Variants in TG observed in about 807,000 individuals in gnomAD.
TG encodes thyroglobulin.
TG carries 270 observed loss-of-function variants against 324.7 expected under a neutral mutation model. That is an observed-to-expected ratio of 0.83 (90% CI 0.75 to 0.92). TG has a LOEUF of 0.92. Among genes scored for constraint, TG ranks in the 40% least tolerant of loss-of-function variants. The pLI is 0.00. For synonymous variants in TG, 1,401 were observed against 1,327.0 expected (o/e 1.06, Z -1.21); for missense variants, 3,591 against 3,456.4 (o/e 1.04, Z -0.98).
At chr8:132,958,710 C>CAA (rs34843766) in intron 27 of TG, among the ~76,000 whole-genome samples, 22,144 of 147,944 alleles carry the variant, frequency 0.15, 5,155 homozygotes, top group African/African-American at 0.5. Flanking sequence ...GACTTTGTCT[C>CAA]AAAAAAAAAA....
chr8:133,034,271 C>T (rs576103558), intron 41 of TG, among the ~76,000 whole-genome samples: 1 of 152,244 alleles, frequency 6.6e-6, no homozygotes, highest in South Asian at 2.1e-4. Flanking sequence ...ACACTGTAAC[C>T]ATGAACGTAG....
Position 133,040,165 on chromosome 8 carries a change from T to C in TG, c.7239+10142T>C, listed in dbSNP as rs1564103354. ...GAAGCAGACAGCCGGTCAGGGACCC[T>C]GGGGACGCCTCAGCCAGTGTGGGGT... is the stretch of plus-strand genomic sequence containing the variant. On this transcript the variant is annotated intron_variant, in intron 41 of 47. Coordinates refer to ENST00000220616, the MANE Select transcript of TG (RefSeq NM_003235.5). 9 of 1,564,550 alleles carry C rather than the reference T, an allele frequency of 5.8e-6. No homozygotes were observed. The South Asian group carries it at 8.2e-5, about 14-fold the overall frequency.
chr8:132,980,804 TG>T (rs1170608001), intron 34 of TG, among the ~76,000 whole-genome samples: 2 of 152,158 alleles, frequency 1.3e-5, no homozygotes, highest in Non-Finnish European at 2.9e-5. Context: ...CTGACAGATG[TG>T]GTATCAGAAA....
At chr8:132,921,178 C>G (rs1001892364) in intron 21 of TG, among the ~76,000 whole-genome samples, 1 of 152,200 alleles carries the variant, frequency 6.6e-6, no homozygotes. Flanking sequence ...CTCCAAATAC[C>G]ATCACACTGG....
At chr8:132,941,220 C>G (rs1022586219) in intron 25 of TG, 131 bp from the exon 26 acceptor site, 1 of 1,107,584 alleles carries the variant, frequency 9.0e-7, no homozygotes, top group Non-Finnish European at 1.4e-6. Flanking sequence ...GAGAGCATCT[C>G]ATCTTGGCCC....
In TG at chr8:132,941,443, G is replaced by A. The variant is rs1370953390; in HGVS notation, c.5134G>A (p.Ala1712Thr). The change falls in exon 26 of 48, where the codon GCC becomes ACC. Residue 1712 changes from alanine to threonine, a missense_variant. Physicochemically the swap from Ala to Thr is moderately conservative, Grantham distance 58. Coordinates refer to ENST00000220616, the MANE Select transcript of TG (RefSeq NM_003235.5). The part of the protein sequence containing the change: ...SGLYNPIVFS[A>T]SGANLTDAHL... ...ATTGTACAACCCCATTGTGTTCTCA[G>A]CCTCAGGAGCCAATCTAACCGATGC... The A allele has an allele frequency of 1.2e-6, 2 of 1,614,224 alleles. No homozygotes were observed. The highest frequency in any genetic ancestry group is 2.2e-5 in the South Asian group (2 of 91,086).
At chr8:133,001,095 A>G (rs1002566824) in intron 35 of TG, among the ~76,000 whole-genome samples, 2 of 152,098 alleles carry the variant, frequency 1.3e-5, no homozygotes, top group Non-Finnish European at 2.9e-5. Flanking sequence ...TTACAAGGAC[A>G]CCAGACCACC....
chr8:132,960,329 C>A (rs1827557054), intron 27 of TG, among the ~76,000 whole-genome samples: 1 of 152,154 alleles, frequency 6.6e-6, no homozygotes, highest in African/African-American at 2.4e-5. Context: ...GGCTTATTTG[C>A]CTCCAGACTC....
chr8:132,969,461 T>C lies in TG; in HGVS notation c.5867T>C (p.Ile1956Thr), dbSNP rs1051684563. ...TTTTCTTTCTTCCTCTATGAAGTTA[T>C]ACTGGAAGATAAAGTGAAGAACTTT... ...MPKALFRKKVILEDKVKNFYT... is the reference protein window; with the variant it reads ...MPKALFRKKVTLEDKVKNFYT... The change falls in exon 32 of 48, where the codon ATA becomes ACA. Residue 1956 changes from isoleucine to threonine, a missense_variant. Physicochemically the swap from Ile to Thr is moderately conservative, Grantham distance 89. Coordinates refer to ENST00000220616, the MANE Select transcript of TG (RefSeq NM_003235.5). 5 of 1,606,794 alleles carry C rather than the reference T, an allele frequency of 3.1e-6. No individual in the cohort carries two copies. The African/African-American group carries it at 5.4e-5, about 17-fold the overall frequency.
At chr8:132,869,379 C>A (rs1244635767) in intron 2 of TG, among the ~76,000 whole-genome samples, 1 of 152,146 alleles carries the variant, frequency 6.6e-6, no homozygotes. Context: ...CCTATCCATA[C>A]AATGTGGGCA....
intron 16 of TG, among the ~76,000 whole-genome samples, chr8:132,904,759 A>G (rs548172626): frequency 7.9e-5 from 12 of 152,300 alleles, no homozygotes; most frequent in African/African-American, 2.9e-4. Flanking sequence ...AACAAAAACA[A>G]AAACAGAAAA....
chr8:132,937,139 G>A (rs947669950), intron 25 of TG, among the ~76,000 whole-genome samples: 1 of 152,144 alleles, frequency 6.6e-6, no homozygotes, highest in Non-Finnish European at 1.5e-5. Context: ...GAGGGCCCGA[G>A]GCCATGGCTG....
chr8:133,092,950 A>G (rs1324103696), intron 41 of TG, among the ~76,000 whole-genome samples: 1 of 152,104 alleles, frequency 6.6e-6, no homozygotes, highest in Non-Finnish European at 1.5e-5. Flanking sequence ...CCACTTCCTC[A>G]CCATATCAGG....
At chr8:133,051,018 C>T (rs1270001874) in intron 41 of TG, 3 of 675,912 alleles carry the variant, frequency 4.4e-6, no homozygotes, top group Non-Finnish European at 8.0e-6. Context: ...GATTTTCCAG[C>T]AGGAAATACC....
At position 133,029,999 on chromosome 8, in the gene TG, A is replaced by G. The variant is rs143086110; in HGVS notation, c.7215A>G (p.Gln2405=). Residue 2405 remains glutamine, a synonymous_variant, in exon 41 of 48, where the codon CAA becomes CAG. Transcript: ENST00000220616. ...HLLTARATNS[Q]LFRRAVLMGG... The stretch of plus-strand genomic sequence containing the variant: ...TCACGGCCAGGGCCACCAACTCCCA[A>G]CTTTTCCGGAGAGCTGTGCTGATGG... The G allele has an allele frequency of 1.4e-4, 221 of 1,614,068 alleles. No homozygotes were observed. The highest frequency in any genetic ancestry group is 4.8e-4 in the African/African-American group (36 of 74,916).
At position 132,886,547 on chromosome 8, in the gene TG, C is replaced by T. The variant is rs781194412; in HGVS notation, c.1175C>T (p.Pro392Leu). ...AGCCAGCACGACCTGTTCTCTTCCC[C>T]AGAGAAAAGATGGGCCTCTCCAAGA... ...YFSQHDLFSSPEKRWASPRVA... is the reference protein window; with the variant it reads ...YFSQHDLFSSLEKRWASPRVA... The change falls in exon 9 of 48, where the codon CCA becomes CTA. Residue 392 changes from proline (P) to leucine (L), a missense_variant. Physicochemically the swap from Pro to Leu is moderately conservative, Grantham distance 98 (BLOSUM62 -3). Coordinates refer to ENST00000220616, the MANE Select transcript of TG (RefSeq NM_003235.5). 8 of 1,614,088 alleles carry T rather than the reference C, an allele frequency of 5.0e-6. No individual in the cohort carries two copies. In the East Asian group the frequency reaches 1.8e-4, roughly 36 times the overall value.
At chr8:133,133,881 G>A (rs1852143902) in intron 47 of TG, among the ~76,000 whole-genome samples, 1 of 152,230 alleles carries the variant, frequency 6.6e-6, no homozygotes, top group Admixed American at 6.5e-5. Context: ...GAGAGGCACA[G>A]GAAGAGGGCA....
chr8:133,111,914 A>G (rs1049087347), intron 43 of TG, among the ~76,000 whole-genome samples: 3 of 152,248 alleles, frequency 2.0e-5, no homozygotes, highest in Admixed American at 1.3e-4. Flanking sequence ...CTGAAGGATC[A>G]GTTAGTCCAC....
At chr8:133,096,525 AT>A in intron 43 of TG, 152 bp downstream of exon 43, 3 of 924,370 alleles carry the variant, frequency 3.2e-6, no homozygotes, top group Non-Finnish European at 4.9e-6. Flanking sequence ...TAATGGGGGG[AT>A]TTAGAAATTA....
Sources: allele counts gnomAD v4.1 joint callset (sites outside exome capture counted in the v4.1 genomes callset), GRCh38; gene constraint gnomAD v4.1.1; transcripts MANE v1.5; gene names NCBI Gene and HGNC (gene_info 2026-07-23, HGNC 2026-07-21).